ZSCAN31: variants seen among roughly 807,000 people sequenced by gnomAD.
The protein encoded by ZSCAN31 is zinc finger and SCAN domain-containing protein 31.
ZSCAN31 carries 14 observed loss-of-function variants against 22.5 expected under a neutral mutation model. That is an observed-to-expected ratio of 0.62 (90% CI 0.41 to 0.97). The LOEUF (loss-of-function observed/expected upper bound fraction) is 0.97. ZSCAN31 is among the 50% of genes least tolerant of loss of function. The probability of loss-of-function intolerance (pLI) is 0.00; values close to 1 mark genes in which losing one functional copy is unlikely to be tolerated. For missense variants in ZSCAN31, 424 were observed against 483.4 expected (o/e 0.88, Z 1.15); for synonymous variants, 168 against 169.8 (o/e 0.99, Z 0.08).
In ZSCAN31 at chr6:28,326,199, T is replaced by C; in HGVS notation, c.1188A>G (p.Lys396=). 1 of 1,611,406 alleles carries C rather than the reference T, an allele frequency of 6.2e-7. No homozygotes were observed. The highest frequency in any genetic ancestry group is 8.5e-7 in the Non-Finnish European group (1 of 1,178,010). The change falls in exon 4 of 4, where the codon AAA becomes AAG. Residue 396 remains lysine (K), a synonymous_variant. Coordinates refer to ENST00000344279, the MANE Select transcript of ZSCAN31 (RefSeq NM_030899.5). ...TCTCTCCAGTGTGGATTTTCTGATG[T>C]TTCTTAAGAAGTGTCCGCTTACTAA... ...KLFSKRTLLK[K]HQKIHTGERP
rs1354007640 is a variant in ZSCAN31, at chr6:28,347,247, A to T, written c.-370-5455T>A. ...AGTAAAATTCTTGCTTAAAAATCCC[A>T]GAGTAACCTTATCTCTGATACCCTC... On this transcript the variant is annotated intron_variant, in intron 2 of 7. Coordinates refer to the ZSCAN31 transcript ENST00000396838. The surrounding 1 kb of genome is among the most constrained non-coding windows in gnomAD (Gnocchi z 5.2). 1.3e-5 allele frequency among the ~76,000 whole-genome samples: 2 copies of T among 152,170 alleles called. No homozygotes were observed. The highest frequency in any genetic ancestry group is 6.5e-5 in the Admixed American group (1 of 15,286).
At chr6:28,346,342 C>CTTTTTTTTTTTTTTTTTTTT (rs5875155) in intron 2 of ZSCAN31, among the ~76,000 whole-genome samples, 1 of 87,780 alleles carries the variant, frequency 1.1e-5, no homozygotes, top group African/African-American at 4.7e-5. Flanking sequence ...TCAGTACAAT[C>CTTTTTTTTTTTTTTTTTTTT]TTTTTTTTTT....
intron 2 of ZSCAN31, 92 bp downstream of exon 2, chr6:28,329,211 A>G: frequency 7.0e-7 from 1 of 1,432,744 alleles, no homozygotes; most frequent in Non-Finnish European, 9.4e-7. Context: ...ACAGAGAACT[A>G]ATACATATAG....
intron 2 of ZSCAN31, among the ~76,000 whole-genome samples, chr6:28,344,121 T>C (rs534490663): frequency 2.0e-5 from 3 of 152,300 alleles, no homozygotes; most frequent in South Asian, 4.1e-4. Context: ...AAATGTGATA[T>C]GTTGGAGGCC....
At chr6:28,332,757 A>G (rs1183065928) in intron 1 of ZSCAN31, among the ~76,000 whole-genome samples, 1 of 152,234 alleles carries the variant, frequency 6.6e-6, no homozygotes, top group Non-Finnish European at 1.5e-5. Flanking sequence ...ACAGACTGTG[A>G]CCAGTGGTGA....
chr6:28,350,805 C>T (rs376589136), intron 2 of ZSCAN31, among the ~76,000 whole-genome samples: 23 of 152,228 alleles, frequency 1.5e-4, no homozygotes, highest in South Asian at 1.5e-3. Flanking sequence ...AAGAGCCTAT[C>T]CCAAAGCAAA....
intron 2 of ZSCAN31, among the ~76,000 whole-genome samples, chr6:28,328,411 CTT>C (rs1396234563): frequency 1.3e-5 from 2 of 152,242 alleles, no homozygotes; most frequent in Non-Finnish European, 2.9e-5. Flanking sequence ...CGCACATTCT[CTT>C]TCTCAGGGAT....
rs912062531 is a variant in ZSCAN31 at position 28,326,925 on chromosome 6, T to C, written c.533-71A>G. 2.1e-5 allele frequency: 29 copies of C among 1,356,688 alleles called. No homozygotes were observed. In the African/African-American group the frequency reaches 3.2e-4, roughly 15 times the overall value. The allele number at this position is 1,356,688 out of a possible 1,614,324, so 84.0% of individuals were successfully genotyped here. On this transcript the variant is annotated intron_variant, in intron 3 of 3. Transcript: ENST00000344279. Reference sequence around the variant, plus strand: ...AAAGAATACAATCATAGGATGGAAATAGAAAGATCGATATCAAACAGACAT... The same window carrying C: ...AAAGAATACAATCATAGGATGGAAACAGAAAGATCGATATCAAACAGACAT...
Position 28,351,122 on chromosome 6 carries a change from ACTTTC to A in ZSCAN31, c.-371+2735_-371+2739del. 6.6e-6 allele frequency among the ~76,000 whole-genome samples: 1 copy of A among 152,226 alleles called. No individual in the cohort carries two copies. Among genetic ancestry groups the A allele is most frequent in the South Asian group, 2.1e-4 (1 of 4,824 alleles). On this transcript the variant is annotated intron_variant, in intron 2 of 7. Transcript: ENST00000396838. The surrounding 1 kb of genome is among the most constrained non-coding windows in gnomAD (Gnocchi z 4.6). ...TGTAACTCTTTTCTGTTAATGAGAA[ACTTTC>A]CTTTCCTTATCTTCAGTATATTTAC...
intron 2 of ZSCAN31, 34 bp from the exon 3 acceptor site, chr6:28,327,567 G>A: frequency 6.2e-7 from 1 of 1,603,864 alleles, no homozygotes; most frequent in Non-Finnish European, 8.5e-7. Context: ...GTTAAAGAGG[G>A]GGATTATAGG....
chr6:28,336,389 G>A (rs1175379582), upstream of ZSCAN31: 1 of 152,222 alleles, frequency 6.6e-6, no homozygotes, highest in Non-Finnish European at 1.5e-5. Flanking sequence ...AGAGCCGGAA[G>A]GTGTTAGGAA....
upstream of ZSCAN31, among the ~76,000 whole-genome samples, chr6:28,338,691 T>G (rs1156435457): frequency 1.3e-5 from 2 of 152,160 alleles, no homozygotes; most frequent in Non-Finnish European, 2.9e-5. Flanking sequence ...AACAAAATAT[T>G]TTTATTATTT....
chr6:28,337,152 C>T (rs148360821), upstream of ZSCAN31, among the ~76,000 whole-genome samples: 138 of 152,290 alleles, frequency 9.1e-4, no homozygotes, highest in African/African-American at 3.1e-3. Flanking sequence ...CAGCAGGAAT[C>T]TGCCAGTGTA....
Position 28,329,531 on chromosome 6 carries a change from A to C in ZSCAN31, c.153T>G (p.Pro51=). 2 of 1,614,230 alleles carry C rather than the reference A, an allele frequency of 1.2e-6. No homozygotes were observed. Among genetic ancestry groups the C allele is most frequent in the Non-Finnish European group, 1.7e-6 (2 of 1,180,042 alleles). The change falls in exon 2 of 4, where the codon CCT becomes CCG. Residue 51 remains proline, a synonymous_variant. Transcript: ENST00000344279. ...GCCGGCTCAGAGCTTCTCGGGGACC[A>C]GGAGTCTCTTGGTAACAAAACTGCC... ...LFRQFCYQET[P]GPREALSRLR...
chr6:28,326,881 G>A lies in ZSCAN31; in HGVS notation c.533-27C>T, dbSNP rs376177729. 6.5e-4 allele frequency: 1,004 copies of A among 1,544,764 alleles called. 8 individuals carry two copies. Among genetic ancestry groups the A allele is most frequent in the South Asian group, 4.5e-3 (396 of 87,040 alleles). ...TGGAATAATAAATGGACCAAACAAT[G>A]TAATCTCTTTCCTTTATGAAAGAAT... is the stretch of plus-strand genomic sequence containing the variant. On this transcript the variant is annotated intron_variant, in intron 3 of 3. Transcript: ENST00000344279.
At chr6:28,338,888 C>G (rs1471993142), upstream of ZSCAN31, among the ~76,000 whole-genome samples, 3 of 152,150 alleles carry the variant, frequency 2.0e-5, no homozygotes, top group Admixed American at 6.5e-5. Flanking sequence ...AAACTTCTAT[C>G]AAGTTTCTTT....
chr6:28,346,206 C>T (rs922461280), intron 2 of ZSCAN31, among the ~76,000 whole-genome samples: 1 of 152,032 alleles, frequency 6.6e-6, no homozygotes, highest in Non-Finnish European at 1.5e-5. Flanking sequence ...GAGTCACCAC[C>T]CTGGCAGAAG....
At chr6:28,334,347 AC>A (rs1763980558) in intron 1 of ZSCAN31, among the ~76,000 whole-genome samples, 7 of 152,154 alleles carry the variant, frequency 4.6e-5, no homozygotes, top group Admixed American at 4.6e-4. Flanking sequence ...GAGGTGTCAG[AC>A]AGCAAAGAGT....
At chr6:28,339,764 G>T (rs977634353), upstream of ZSCAN31, among the ~76,000 whole-genome samples, 3 of 152,118 alleles carry the variant, frequency 2.0e-5, no homozygotes, top group African/African-American at 7.2e-5. Context: ...TGTTATTTCA[G>T]TGCCACTCAA....
Sources: allele counts gnomAD v4.1 joint callset (sites outside exome capture counted in the v4.1 genomes callset), GRCh38; gene constraint gnomAD v4.1.1; non-coding constraint Gnocchi (gnomAD v3.1); transcripts MANE v1.5; gene names NCBI Gene and HGNC (gene_info 2026-07-23, HGNC 2026-07-21).